ZNF362: variants seen among roughly 807,000 people sequenced by gnomAD.
The protein encoded by ZNF362 is zinc finger protein 362.
Under a neutral mutation model 42.9 loss-of-function variants are expected in ZNF362, and 11 were observed. The observed-to-expected ratio is 0.26, with a 90% CI of 0.16 to 0.42. The LOEUF is 0.42. ZNF362 is among the 20% of genes least tolerant of loss of function. ZNF362 has a pLI of 1.00. For synonymous variants in ZNF362, 255 were observed against 257.3 expected, an observed-to-expected ratio of 0.99 and a Z score of 0.09; for missense variants, 362 against 576.2, an observed-to-expected ratio of 0.63 and a Z score of 3.81.
chr1:33,265,819 T>C (rs1035732759), intron 1 of ZNF362, among the ~76,000 whole-genome samples: 2 of 152,146 alleles, frequency 1.3e-5, no homozygotes, highest in Non-Finnish European at 2.9e-5. Flanking sequence ...CCCTATGTTC[T>C]TTCACCGGAG....
At chr1:33,174,019 A>T in the ZNF362 span, among the ~76,000 whole-genome samples, 2 of 151,808 alleles carry the variant, frequency 1.3e-5, no homozygotes, top group Non-Finnish European at 2.9e-5. Context: ...TTTAAAAAAA[A>T]TTTTATTGAG....
the ZNF362 span, among the ~76,000 whole-genome samples, chr1:33,168,665 G>C: frequency 2.0e-5 from 3 of 152,216 alleles, no homozygotes; most frequent in Non-Finnish European, 4.4e-5. Context: ...CCTAACATTC[G>C]TGTGCAGCTT....
chr1:33,285,528 ATCT>A (rs1354093484), intron 6 of ZNF362, among the ~76,000 whole-genome samples: 1 of 152,192 alleles, frequency 6.6e-6, no homozygotes, highest in Non-Finnish European at 1.5e-5. Context: ...TAGAGACAAA[ATCT>A]TCTTAAAGAA....
At chr1:33,189,657 A>ACG in the ZNF362 span, among the ~76,000 whole-genome samples, 73,022 of 101,846 alleles carry the variant, frequency 0.72, 27,392 homozygotes, top group Non-Finnish European at 0.79. Context: ...ATATATATAT[A>ACG]TATATATATA....
At chr1:33,292,885 A>G (rs1646089603) in intron 6 of ZNF362, among the ~76,000 whole-genome samples, 1 of 152,198 alleles carries the variant, frequency 6.6e-6, no homozygotes, top group Admixed American at 6.5e-5. Context: ...TCCATTGTAG[A>G]GACGGTGCAG....
At position 33,294,897 on chromosome 1, in the gene ZNF362, T is replaced by G. The variant is rs781439925; in HGVS notation, c.909-40T>G. 1.2e-6 allele frequency: 2 copies of G among 1,611,038 alleles called. No homozygotes were observed. Among genetic ancestry groups the G allele is most frequent in the East Asian group, 2.2e-5 (1 of 44,860 alleles). On this transcript the variant is annotated intron_variant, in intron 6 of 8. Coordinates refer to ENST00000539719, the MANE Select transcript of ZNF362 (RefSeq NM_152493.3). The surrounding 1 kb of genome is among the most constrained non-coding windows in gnomAD (Gnocchi z 4.2). ...TGGGAACTGGAGCGGTCTTGGGGTG[T>G]GTGTCAGGGACTTCGACCTTACTGG...
At chr1:33,186,399 T>G in the ZNF362 span, among the ~76,000 whole-genome samples, 2 of 152,100 alleles carry the variant, frequency 1.3e-5, no homozygotes, top group African/African-American at 4.8e-5. Context: ...AAAATACGTG[T>G]GCTTGATAAG....
intron 6 of ZNF362, among the ~76,000 whole-genome samples, chr1:33,283,307 A>G (rs1326567937): frequency 1.3e-5 from 2 of 151,948 alleles, no homozygotes; most frequent in South Asian, 2.1e-4. Flanking sequence ...TTTGTCATTT[A>G]TTCGTTTATC....
intron 1 of ZNF362, among the ~76,000 whole-genome samples, chr1:33,257,426 CTTTTTTTT>C (rs921311790): frequency 2.9e-5 from 4 of 136,938 alleles, no homozygotes; most frequent in Non-Finnish European, 4.8e-5. Context: ...TTCTTTCTTT[CTTTTTTTT>C]TTTTTTTGGA....
intron 8 of ZNF362, 54 bp downstream of exon 8, chr1:33,295,359 G>T: frequency 6.3e-7 from 1 of 1,582,746 alleles, no homozygotes; most frequent in South Asian, 1.1e-5. Flanking sequence ...CGTCTTCCAG[G>T]CCTCAGTTGC....
At chr1:33,239,851 C>G in the ZNF362 span, among the ~76,000 whole-genome samples, 2 of 152,108 alleles carry the variant, frequency 1.3e-5, no homozygotes, top group South Asian at 4.1e-4. Context: ...AGGAACCAAC[C>G]TGAAAACGCT....
At chr1:33,225,900 T>C in the ZNF362 span, among the ~76,000 whole-genome samples, 1 of 152,156 alleles carries the variant, frequency 6.6e-6, no homozygotes, top group Non-Finnish European at 1.5e-5. Context: ...GATTTTTAGG[T>C]CTAAGACACC....
chr1:33,209,052 G>A, the ZNF362 span, among the ~76,000 whole-genome samples: 1 of 152,120 alleles, frequency 6.6e-6, no homozygotes, highest in Non-Finnish European at 1.5e-5. Flanking sequence ...TATTGGCTGT[G>A]GGTTTGTCAT....
chr1:33,296,560 A>C (rs1164726463), intron 8 of ZNF362, among the ~76,000 whole-genome samples: 1 of 152,158 alleles, frequency 6.6e-6, no homozygotes, highest in East Asian at 1.9e-4. Context: ...GGAGCTGGGA[A>C]GGGGGATGAG....
At chr1:33,172,619 C>T in the ZNF362 span, among the ~76,000 whole-genome samples, 2 of 152,148 alleles carry the variant, frequency 1.3e-5, no homozygotes, top group South Asian at 2.1e-4. Flanking sequence ...GGAGTCTGCG[C>T]AGCCCTGAGC....
chr1:33,175,968 C>G, the ZNF362 span, among the ~76,000 whole-genome samples: 2 of 152,170 alleles, frequency 1.3e-5, no homozygotes. Flanking sequence ...TACACTGTGG[C>G]CCGTGCTCAG....
the ZNF362 span, among the ~76,000 whole-genome samples, chr1:33,219,356 G>A: frequency 2.0e-5 from 3 of 152,308 alleles, no homozygotes; most frequent in African/African-American, 4.8e-5. Flanking sequence ...TTCATTCATC[G>A]GCGGACCAGA....
At chr1:33,257,680 G>C (rs201047387) in intron 1 of ZNF362, among the ~76,000 whole-genome samples, 4 of 152,106 alleles carry the variant, frequency 2.6e-5, no homozygotes, top group East Asian at 3.9e-4. Context: ...ATCTGGGGGA[G>C]AGGGCCGGCA....
At position 33,281,704 on chromosome 1, in the gene ZNF362, C is replaced by T. The variant is rs563485019; in HGVS notation, c.801C>T (p.Ala267=). 1 of 1,614,266 alleles carries T rather than the reference C, an allele frequency of 6.2e-7. No homozygotes were observed. Among genetic ancestry groups the T allele is most frequent in the Non-Finnish European group, 8.5e-7 (1 of 1,180,040 alleles). ...ACTGCTCCAAGTCCTTTGCCAACGC[C>T]TCCTACCTGGCCCAGCACCTGCGCA... is the stretch of plus-strand genomic sequence containing the variant. ...CPHCSKSFAN[A]SYLAQHLRIH... The change falls in exon 6 of 9, where the codon GCC becomes GCT. Residue 267 remains alanine (A), a synonymous_variant. Coordinates refer to ENST00000539719, the MANE Select transcript of ZNF362 (RefSeq NM_152493.3). This position sits in a 1 kb window ranked among gnomAD's most constrained non-coding sequence, Gnocchi z 4.8.
Sources: allele counts gnomAD v4.1 joint callset (sites outside exome capture counted in the v4.1 genomes callset), GRCh38; gene constraint gnomAD v4.1.1; non-coding constraint Gnocchi (gnomAD v3.1); transcripts MANE v1.5; gene names NCBI Gene and HGNC (gene_info 2026-07-23, HGNC 2026-07-21).